Variants in PCDHGB3 observed in about 807,000 individuals in gnomAD.
PCDHGB3 encodes the protein protocadherin gamma-B3.
PCDHGB3 carries 40 observed loss-of-function variants against 59.2 expected under a neutral mutation model. The ratio of observed to expected loss-of-function variants is 0.68; its 90% confidence interval spans 0.52 to 0.88. The LOEUF (loss-of-function observed/expected upper bound fraction) is 0.88, where lower values mean the gene tolerates loss of function less well. PCDHGB3 is among the 40% of genes least tolerant of loss of function. The pLI is 0.00. For synonymous variants in PCDHGB3, 581 were observed against 503.6 expected (o/e 1.15, Z -2.06); for missense variants, 1,309 against 1,187.9 (o/e 1.10, Z -1.50).
In PCDHGB3 at chr5:141,487,829, C is replaced by T. The variant is rs528435429; in HGVS notation, c.2416-6978C>T. On this transcript the variant is annotated intron_variant, in intron 1 of 3. Transcript: ENST00000576222. The surrounding 1 kb of genome is among the most constrained non-coding windows in gnomAD (Gnocchi z 5.0). ...GTTTAGCATTGGGGGCGGGTCATGC[C>T]TATATCTGAGTAAGAAATGAAAGTA... The T allele has an allele frequency of 1.1e-4, 125 of 1,182,994 alleles. No homozygotes were observed. In the Middle Eastern group the frequency reaches 3.7e-3, roughly 35 times the overall value. 73.3% of individuals were successfully genotyped at this position (1,182,994 alleles called of 1,614,324 possible).
At chr5:141,497,201 G>A (rs1190666375) in intron 2 of PCDHGB3, among the ~76,000 whole-genome samples, 1 of 93,734 alleles carries the variant, frequency 1.1e-5, no homozygotes, top group African/African-American at 8.6e-5. Flanking sequence ...AGAACAATGT[G>A]AGTGTAATGG....
In PCDHGB3 at chr5:141,384,438, C is replaced by G. The variant is rs758290868; in HGVS notation, c.2415+11629C>G. The G allele has an allele frequency of 4.6e-5, 74 of 1,613,902 alleles. No homozygotes were observed. In the South Asian group the frequency reaches 7.5e-4, roughly 16 times the overall value. Reference sequence around the variant, plus strand: ...TCTCCATAAACTCTGACACTGGAGTCCTGTACGCGCTGCAATCCTTTGATT... The same window carrying G: ...TCTCCATAAACTCTGACACTGGAGTGCTGTACGCGCTGCAATCCTTTGATT... On this transcript the variant is annotated intron_variant, in intron 1 of 3. Coordinates refer to ENST00000576222, the MANE Select transcript of PCDHGB3 (RefSeq NM_018924.5).
At chr5:141,385,965 G>A (rs368454164) in intron 1 of PCDHGB3, 2 of 152,134 alleles carry the variant, frequency 1.3e-5, no homozygotes, top group Non-Finnish European at 2.9e-5. Flanking sequence ...AAAGGCCATC[G>A]GACAAAACCA....
chr5:141,481,871 G>T (rs372191396), intron 1 of PCDHGB3, among the ~76,000 whole-genome samples: 1 of 144,788 alleles, frequency 6.9e-6, no homozygotes, highest in Non-Finnish European at 1.5e-5. Context: ...CCGAGATCGC[G>T]CCACTGCACT....
At chr5:141,459,319 T>G (rs1270005431) in intron 1 of PCDHGB3, among the ~76,000 whole-genome samples, 1 of 152,216 alleles carries the variant, frequency 6.6e-6, no homozygotes, top group Non-Finnish European at 1.5e-5. Context: ...TTTGTATCCA[T>G]CTTCTTTTAC....
chr5:141,501,343 C>T (rs1202291965), intron 2 of PCDHGB3, among the ~76,000 whole-genome samples: 1 of 150,430 alleles, frequency 6.6e-6, no homozygotes, highest in Non-Finnish European at 1.5e-5. Context: ...ACCCCAAACT[C>T]AATAGGGCAA....
intron 1 of PCDHGB3, chr5:141,376,235 C>T: frequency 1.2e-6 from 2 of 1,614,198 alleles, no homozygotes; most frequent in Non-Finnish European, 1.7e-6. Flanking sequence ...CAGACTGCAG[C>T]GCTGGCACAA....
chr5:141,482,593 G>A (rs1314658005), intron 1 of PCDHGB3, among the ~76,000 whole-genome samples: 4 of 149,900 alleles, frequency 2.7e-5, no homozygotes, highest in Non-Finnish European at 5.9e-5. Flanking sequence ...GGGACCAAAC[G>A]GGAAAAAACA....
chr5:141,390,137 T>C lies in PCDHGB3; in HGVS notation c.2415+17328T>C, dbSNP rs373308909. The stretch of plus-strand genomic sequence containing the variant: ...AGGGGACTTTGCCTTATTCCTACAA[T>C]CTATGTGTTGCACATACAGGAAAGA... On this transcript the variant is annotated intron_variant, in intron 1 of 3. Coordinates refer to ENST00000576222, the MANE Select transcript of PCDHGB3 (RefSeq NM_018924.5). 3.1e-4 allele frequency: 506 copies of C among 1,614,052 alleles called. 2 individuals carry two copies. The African/African-American group carries it at 6.2e-3, about 20-fold the overall frequency.
rs778244253 is a variant in PCDHGB3 at position 141,376,253 on chromosome 5, C to G, written c.2415+3444C>G. 3 of 1,614,104 alleles carry G rather than the reference C, an allele frequency of 1.9e-6. No individual in the cohort carries two copies. The African/African-American group carries it at 4.0e-5, about 22-fold the overall frequency. ...ACTGCAGCGCTGGCACAAGTCACGC[C>G]TGCTGCAGGCTTCGGGAGGTGGCTT... On this transcript the variant is annotated intron_variant, in intron 1 of 3. Transcript: ENST00000576222.
intron 2 of PCDHGB3, among the ~76,000 whole-genome samples, chr5:141,502,944 A>G (rs1447378539): frequency 1.4e-5 from 2 of 145,406 alleles, no homozygotes; most frequent in Non-Finnish European, 1.5e-5. Context: ...CCTGGGTTCA[A>G]GCGATTCTCC....
chr5:141,384,106 A>G, intron 1 of PCDHGB3: 1 of 1,602,128 alleles, frequency 6.2e-7, no homozygotes, highest in Non-Finnish European at 8.5e-7. Flanking sequence ...TAATTATTAT[A>G]GATTGGTCAC....
chr5:141,401,158 A>AT (rs1314149261), intron 1 of PCDHGB3, among the ~76,000 whole-genome samples: 1 of 152,194 alleles, frequency 6.6e-6, no homozygotes, highest in Non-Finnish European at 1.5e-5. Context: ...CCTGGGCAAT[A>AT]TGGTGAAAAC....
At chr5:141,376,381 T>A in intron 1 of PCDHGB3, 2 of 1,613,972 alleles carry the variant, frequency 1.2e-6, no homozygotes, top group Non-Finnish European at 1.7e-6. Flanking sequence ...CGCGTAAGAG[T>A]CATCTGATTT....
intron 1 of PCDHGB3, chr5:141,389,498 A>C: frequency 6.2e-7 from 1 of 1,613,046 alleles, no homozygotes; most frequent in African/African-American, 1.3e-5. Context: ...AGGGCTCGCC[A>C]GCGCTCAGCG....
At chr5:141,413,230 C>A in intron 1 of PCDHGB3, 1 of 1,613,942 alleles carries the variant, frequency 6.2e-7, no homozygotes. Context: ...CGGGCTGGTC[C>A]TGCTCTGCCT....
intron 1 of PCDHGB3, chr5:141,419,395 G>A: frequency 6.2e-7 from 1 of 1,613,596 alleles, no homozygotes; most frequent in Non-Finnish European, 8.5e-7. Context: ...CGCAGAGCGG[G>A]GTGGTGTTCG....
intron 1 of PCDHGB3, among the ~76,000 whole-genome samples, chr5:141,443,514 C>T (rs1386662758): frequency 6.6e-6 from 1 of 152,056 alleles, no homozygotes; most frequent in Non-Finnish European, 1.5e-5. Flanking sequence ...AAGAGCTTCT[C>T]TCCTTATGAC....
intron 1 of PCDHGB3, chr5:141,422,094 T>C: frequency 1.2e-6 from 2 of 1,610,648 alleles, no homozygotes; most frequent in Non-Finnish European, 1.7e-6. Flanking sequence ...AAAGCAAGGC[T>C]TCTGAAATAT....
Sources: gnomAD v4.1 joint callset for allele counts (sites outside exome capture counted in the v4.1 genomes callset) on GRCh38, gnomAD v4.1.1 for gene constraint, Gnocchi (gnomAD v3.1) non-coding constraint, MANE v1.5 for transcripts, NCBI Gene and HGNC (gene_info 2026-07-23, HGNC 2026-07-21) for gene names.